PTPRN2: variants seen among roughly 807,000 people sequenced by gnomAD.
The protein encoded by PTPRN2 is receptor-type tyrosine-protein phosphatase N2.
In PTPRN2, 74 loss-of-function variants were observed where a neutral mutation model predicts 118.8. The observed-to-expected ratio is 0.62, with a 90% CI of 0.52 to 0.76. The LOEUF (loss-of-function observed/expected upper bound fraction) is 0.76, where lower values mean the gene tolerates loss of function less well. Ranked by LOEUF, PTPRN2 falls within the 30% of genes least tolerant of loss-of-function variation. PTPRN2 has a pLI of 0.00. For missense variants in PTPRN2, 1,481 were observed against 1,394.4 expected (o/e 1.06, Z -0.99); for synonymous variants, 641 against 608.0 (o/e 1.05, Z -0.80).
At chr7:157,718,675 C>T (rs1799061064) in intron 12 of PTPRN2, among the ~76,000 whole-genome samples, 2 of 151,924 alleles carry the variant, frequency 1.3e-5, no homozygotes, top group Admixed American at 6.6e-5. Context: ...CGCGGTGACA[C>T]TGCAGCCACT....
In PTPRN2 at chr7:158,437,972, C is replaced by T. The variant is rs1271447481; in HGVS notation, c.163+51763G>A. Among the ~76,000 whole-genome samples the T allele has an allele frequency of 3.9e-5, 6 of 152,258 alleles. No individual in the cohort carries two copies. In the East Asian group the frequency reaches 1.2e-3, roughly 29 times the overall value. ...TGTGGGTTTCACTGCCTCTTCTCCA[C>T]AGCCCTTGCCTGGTTTCTCAGCCTC... On this transcript the variant is annotated intron_variant, in intron 2 of 22. Transcript: ENST00000389418.
intron 2 of PTPRN2, among the ~76,000 whole-genome samples, chr7:158,331,242 C>T: frequency 6.7e-6 from 1 of 149,710 alleles, no homozygotes; most frequent in East Asian, 2.0e-4. Context: ...CCGCAGACGT[C>T]ACTCACACCC....
chr7:158,260,198 C>A, intron 3 of PTPRN2, among the ~76,000 whole-genome samples: 1 of 152,178 alleles, frequency 6.6e-6, no homozygotes, highest in African/African-American at 2.4e-5. Context: ...AGTCACCAGG[C>A]TGCCTAAAAC....
intron 1 of PTPRN2, among the ~76,000 whole-genome samples, chr7:158,516,824 T>A (rs1563381634): frequency 2.0e-5 from 3 of 151,390 alleles, no homozygotes; most frequent in African/African-American, 7.3e-5. Context: ...TCTTGCCTAT[T>A]GTTCTTGGTG....
intron 12 of PTPRN2, among the ~76,000 whole-genome samples, chr7:157,810,614 G>A (rs148218193): frequency 0.016 from 2,185 of 135,652 alleles, 219 homozygotes; most frequent in African/African-American, 0.064. Context: ...GGACTGCTGG[G>A]GGCTGGGCTC....
intron 12 of PTPRN2, among the ~76,000 whole-genome samples, chr7:157,733,856 C>G (rs193000715): frequency 2.1e-5 from 1 of 46,632 alleles, no homozygotes. Context: ...CCGTCCCATG[C>G]GCCCAGCACA....
intron 11 of PTPRN2, among the ~76,000 whole-genome samples, chr7:157,954,343 G>A (rs2080816368): frequency 1.4e-5 from 2 of 148,122 alleles, no homozygotes; most frequent in South Asian, 4.3e-4. Flanking sequence ...TGTGTGTGGT[G>A]CACGTGTGCT....
At chr7:158,040,394 C>T (rs1224336340) in intron 11 of PTPRN2, among the ~76,000 whole-genome samples, 2 of 140,632 alleles carry the variant, frequency 1.4e-5, no homozygotes, top group Non-Finnish European at 3.1e-5. Context: ...CATGTGCACA[C>T]ACTTCACACA....
intron 5 of PTPRN2, among the ~76,000 whole-genome samples, chr7:158,183,693 T>C (rs531121258): frequency 6.6e-6 from 1 of 152,350 alleles, no homozygotes; most frequent in South Asian, 2.1e-4. Context: ...CCCGCCCCCA[T>C]GGGCTGAATT....
intron 12 of PTPRN2, among the ~76,000 whole-genome samples, chr7:157,814,559 G>A (rs1434010159): frequency 7.0e-6 from 1 of 143,088 alleles, no homozygotes; most frequent in Admixed American, 6.9e-5. Context: ...GACAGGGACG[G>A]AGGAGAGACG....
chr7:158,380,078 G>C (rs1810851428), intron 2 of PTPRN2, among the ~76,000 whole-genome samples: 1 of 152,084 alleles, frequency 6.6e-6, no homozygotes, highest in Admixed American at 6.6e-5. Flanking sequence ...GGGAATTATG[G>C]GAGCTGCAAT....
chr7:158,341,115 C>CCA (rs1323538628), intron 2 of PTPRN2, among the ~76,000 whole-genome samples: 2 of 11,794 alleles, frequency 1.7e-4, no homozygotes, highest in Non-Finnish European at 5.2e-4. Flanking sequence ...TCACTCACAC[C>CCA]CACACGTCAC....
intron 12 of PTPRN2, among the ~76,000 whole-genome samples, chr7:157,809,286 C>A (rs989446893): frequency 6.6e-6 from 1 of 150,418 alleles, no homozygotes; most frequent in Admixed American, 6.6e-5. Flanking sequence ...CCACCCCTGC[C>A]GTGTGAGCTC....
intron 3 of PTPRN2, among the ~76,000 whole-genome samples, chr7:158,236,271 G>A (rs995614623): frequency 6.6e-6 from 1 of 152,162 alleles, no homozygotes; most frequent in Non-Finnish European, 1.5e-5. Context: ...TGCCACACAG[G>A]CAGGCAATGT....
At chr7:158,006,376 GT>G (rs1472595036) in intron 11 of PTPRN2, among the ~76,000 whole-genome samples, 1 of 152,210 alleles carries the variant, frequency 6.6e-6, no homozygotes, top group Non-Finnish European at 1.5e-5. Context: ...TGCCAGCCTG[GT>G]CTGGCCCTGG....
intron 11 of PTPRN2, among the ~76,000 whole-genome samples, chr7:157,999,616 G>T (rs147538032): frequency 6.6e-6 from 1 of 152,090 alleles, no homozygotes; most frequent in African/African-American, 2.4e-5. Flanking sequence ...ACCTGTCATC[G>T]GGAGACTCGT....
At chr7:158,119,360 G>GA (rs947051010) in intron 9 of PTPRN2, among the ~76,000 whole-genome samples, 23 of 152,164 alleles carry the variant, frequency 1.5e-4, no homozygotes, top group Admixed American at 6.5e-4. Context: ...ACTGTAAGAA[G>GA]AAAAAAACCC....
At chr7:158,086,687 C>T (rs1364451651) in intron 10 of PTPRN2, among the ~76,000 whole-genome samples, 6 of 152,314 alleles carry the variant, frequency 3.9e-5, no homozygotes, top group Admixed American at 2.6e-4. Context: ...AACGAGAAGG[C>T]GGAGCTGTCC....
chr7:158,344,994 G>A (rs1807391669), intron 2 of PTPRN2, among the ~76,000 whole-genome samples: 1 of 152,200 alleles, frequency 6.6e-6, no homozygotes, highest in South Asian at 2.1e-4. Flanking sequence ...CCTCAGTTAG[G>A]CCATGGAGGG....
Sources: gnomAD v4.1 joint callset for allele counts (sites outside exome capture counted in the v4.1 genomes callset) on GRCh38, gnomAD v4.1.1 for gene constraint, MANE v1.5 for transcripts, NCBI Gene and HGNC (gene_info 2026-07-23, HGNC 2026-07-21) for gene names.